CNTN3: variants seen among roughly 807,000 people sequenced by gnomAD.
CNTN3 encodes contactin 3, also known as contactin-3.
Under a neutral mutation model 119.1 loss-of-function variants are expected in CNTN3, and 60 were observed. The ratio of observed to expected loss-of-function variants is 0.50; its 90% CI spans 0.41 to 0.62. CNTN3 has a LOEUF of 0.62. Ranked by LOEUF, CNTN3 falls within the 20% of genes least tolerant of loss-of-function variation. The pLI is 0.00. For missense variants in CNTN3, 1,101 were observed against 1,242.4 expected (o/e 0.89, Z 1.71); for synonymous variants, 450 against 438.7 (o/e 1.03, Z -0.32).
intron 5 of CNTN3, among the ~76,000 whole-genome samples, chr3:74,391,553 G>GTTTTTTTTTTTTTT (rs1327675724): frequency 1.7e-5 from 2 of 115,960 alleles, no homozygotes; most frequent in African/African-American, 6.9e-5. Context: ...TACTCCCATA[G>GTTTTTTTTTTTTTT]TTTCTTTTTT....
At chr3:74,498,793 G>A (rs7431108) in intron 3 of CNTN3, among the ~76,000 whole-genome samples, 129,888 of 151,762 alleles carry the variant, frequency 0.86, 56,414 homozygotes, top group Non-Finnish European at 0.94. Flanking sequence ...TAGTGTGAAT[G>A]GGGTTTTCAT....
At chr3:74,442,287 T>C (rs898521437) in intron 4 of CNTN3, among the ~76,000 whole-genome samples, 7 of 152,082 alleles carry the variant, frequency 4.6e-5, no homozygotes, top group Non-Finnish European at 8.8e-5. Context: ...CTCCAGTATC[T>C]TTCTCTTTTT....
intron 11 of CNTN3, among the ~76,000 whole-genome samples, chr3:74,349,169 G>T (rs1461256433): frequency 6.6e-6 from 1 of 151,958 alleles, no homozygotes; most frequent in Non-Finnish European, 1.5e-5. Flanking sequence ...AATATTTGAA[G>T]AATAAATCAA....
At chr3:74,586,985 T>C (rs1704603881) in intron 1 of CNTN3, among the ~76,000 whole-genome samples, 1 of 152,092 alleles carries the variant, frequency 6.6e-6, no homozygotes, top group African/African-American at 2.4e-5. Context: ...GCTACTCTTA[T>C]TTTACATAAT....
At position 74,364,565 on chromosome 3, in the gene CNTN3, G is replaced by C; in HGVS notation, c.1115C>G (p.Thr372Arg). Residue 372 changes from threonine (T) to arginine (R), a missense_variant, in exon 10 of 23, where the codon ACA (threonine) becomes AGA (arginine). Transcript: ENST00000263665. ...ATCAGTCACACTTAGGTTTGATATT[G>C]TAAGGGCACCATTTTCTATCTGTGT... ...ERTQIENGAL[T>R]ISNLSVTDSG... The C allele has an allele frequency of 6.2e-7, 1 of 1,609,838 alleles. No homozygotes were observed. Among genetic ancestry groups the C allele is most frequent in the Non-Finnish European group, 8.5e-7 (1 of 1,176,666 alleles).
intron 4 of CNTN3, among the ~76,000 whole-genome samples, chr3:74,485,700 T>C (rs1702843216): frequency 6.7e-6 from 1 of 149,844 alleles, no homozygotes; most frequent in African/African-American, 2.5e-5. Context: ...ATGCATTATG[T>C]ACAAAATACA....
chr3:74,436,754 A>C (rs1170990109), intron 4 of CNTN3, among the ~76,000 whole-genome samples: 1 of 152,234 alleles, frequency 6.6e-6, no homozygotes, highest in Non-Finnish European at 1.5e-5. Flanking sequence ...AAAGCTGGAA[A>C]TACAAAACAA....
intron 4 of CNTN3, among the ~76,000 whole-genome samples, chr3:74,448,251 G>A (rs1327109586): frequency 6.6e-6 from 1 of 152,106 alleles, no homozygotes; most frequent in African/African-American, 2.4e-5. Context: ...TGCCAAACAA[G>A]ACAAACAAGT....
chr3:74,267,587 C>T (rs1232532233), intron 20 of CNTN3: 5 of 472,850 alleles, frequency 1.1e-5, no homozygotes, highest in East Asian at 9.8e-5. Flanking sequence ...ACCAAACCCC[C>T]GTGACACGTA....
At chr3:74,587,295 A>T (rs78373402) in intron 1 of CNTN3, among the ~76,000 whole-genome samples, 1 of 152,070 alleles carries the variant, frequency 6.6e-6, no homozygotes, top group Non-Finnish European at 1.5e-5. Context: ...CACTAGATAG[A>T]ACTATACACC....
Position 74,424,859 on chromosome 3 carries a change from G to C in CNTN3, c.440C>G (p.Pro147Arg). ...GQGVVLLCGP[P>R]PHSGELSYAW... is the part of the protein sequence containing the mutation. ...GCATGACTTACCTCCAGAGTGTGGTGGGGGGCCGCAGAGCAGCACAACTCC... is the reference window on the plus strand; with the variant it reads ...GCATGACTTACCTCCAGAGTGTGGTCGGGGGCCGCAGAGCAGCACAACTCC... The change falls in exon 5 of 23, where the codon CCA becomes CGA. Residue 147 changes from proline to arginine, a missense_variant. By Grantham distance (103) the Pro-to-Arg change is moderately radical. Transcript: ENST00000263665. 6.2e-7 allele frequency: 1 copy of C among 1,612,964 alleles called. No homozygotes were observed. Among genetic ancestry groups the C allele is most frequent in the Non-Finnish European group, 8.5e-7 (1 of 1,179,252 alleles).
chr3:74,546,252 C>A (rs2107153759), intron 1 of CNTN3, among the ~76,000 whole-genome samples: 1 of 152,292 alleles, frequency 6.6e-6, no homozygotes, highest in African/African-American at 2.4e-5. Context: ...GCCTCAGCCT[C>A]CCAAAGTGCT....
At chr3:74,349,624 G>C (rs1439568297) in intron 11 of CNTN3, among the ~76,000 whole-genome samples, 2 of 152,142 alleles carry the variant, frequency 1.3e-5, no homozygotes, top group Non-Finnish European at 2.9e-5. Flanking sequence ...TACTTCTAGA[G>C]AAAGCTCCTT....
chr3:74,471,906 G>A (rs986082704), intron 4 of CNTN3, among the ~76,000 whole-genome samples: 2 of 152,164 alleles, frequency 1.3e-5, no homozygotes, highest in African/African-American at 4.8e-5. Context: ...TGAAAACAAG[G>A]ACGTTCCTAA....
intron 1 of CNTN3, among the ~76,000 whole-genome samples, chr3:74,555,887 T>C (rs1477076908): frequency 2.0e-5 from 3 of 151,934 alleles, no homozygotes; most frequent in Admixed American, 6.6e-5. Context: ...TTTTTGAAGG[T>C]CAACCTCTTT....
intron 1 of CNTN3, among the ~76,000 whole-genome samples, chr3:74,581,883 A>C (rs1053627319): frequency 2.0e-5 from 3 of 152,204 alleles, no homozygotes; most frequent in Admixed American, 1.3e-4. Context: ...TGCTAGAAAA[A>C]AAATGAATAC....
intron 3 of CNTN3, among the ~76,000 whole-genome samples, chr3:74,498,724 T>A (rs1703107406): frequency 6.6e-6 from 1 of 151,882 alleles, no homozygotes; most frequent in African/African-American, 2.4e-5. Context: ...ATTTTATTAA[T>A]ACTGGCTGAA....
chr3:74,499,610 T>C, intron 3 of CNTN3, 49 bp downstream of exon 3: 5 of 1,556,158 alleles, frequency 3.2e-6, no homozygotes, highest in Non-Finnish European at 3.5e-6. Flanking sequence ...AATCACCACA[T>C]AAGTGTGTTT....
intron 4 of CNTN3, among the ~76,000 whole-genome samples, chr3:74,443,940 G>A (rs1175183942): frequency 1.3e-5 from 2 of 152,108 alleles, no homozygotes; most frequent in Non-Finnish European, 2.9e-5. Context: ...TCTGGAGGCT[G>A]GAACTCTAAA....
Sources: allele counts gnomAD v4.1 joint callset (sites outside exome capture counted in the v4.1 genomes callset), GRCh38; gene constraint gnomAD v4.1.1; transcripts MANE v1.5; gene names NCBI Gene and HGNC (gene_info 2026-07-23, HGNC 2026-07-21).